PLCL1: variants seen among roughly 807,000 people sequenced by gnomAD.
PLCL1 encodes phospholipase C like 1 (inactive), also known as inactive phospholipase C-like protein 1.
PLCL1 carries 41 observed loss-of-function variants against 84.4 expected under a neutral mutation model. That is an observed-to-expected ratio of 0.49 (90% CI 0.38 to 0.63). The LOEUF (loss-of-function observed/expected upper bound fraction) is 0.63, where lower values mean the gene tolerates loss of function less well. Ranked by LOEUF, PLCL1 falls within the 30% of genes least tolerant of loss-of-function variation. PLCL1 has a pLI of 0.00. For missense variants in PLCL1, 1,206 were observed against 1,367.8 expected, an observed-to-expected ratio of 0.88 and a Z score of 1.87; for synonymous variants, 490 against 488.3, an observed-to-expected ratio of 1.00 and a Z score of -0.05.
At position 197,922,121 on chromosome 2, in the gene PLCL1, A is replaced by T. The variant is rs547285356; in HGVS notation, c.240+116782A>T. On this transcript the variant is annotated intron_variant, in intron 1 of 5. Transcript: ENST00000428675. ...GGAAGGTCAGCAGATAAACAAGTGAACAAAGGTCTCTGGTTTTCCTAGGCA... is the reference window on the plus strand; with the variant it reads ...GGAAGGTCAGCAGATAAACAAGTGATCAAAGGTCTCTGGTTTTCCTAGGCA... Among the ~76,000 whole-genome samples the T allele has an allele frequency of 4.9e-4, 60 of 121,552 alleles. 3 individuals carry two copies. In the South Asian group the frequency reaches 0.013, roughly 26 times the overall value. The allele number at this position is 121,552 out of a possible 152,430, so 79.7% of individuals were successfully genotyped here. A position where few individuals can be genotyped will look rare whatever the true frequency, so the allele number is the denominator to read the frequency against.
At chr2:197,850,031 G>GACACACACACACACACACACACACACAC (rs5837563) in intron 1 of PLCL1, among the ~76,000 whole-genome samples, 12 of 134,934 alleles carry the variant, frequency 8.9e-5, no homozygotes, top group African/African-American at 1.4e-4. Context: ...GACACACACA[G>GACACACACACACACACACACACACACAC]ACACACACAC....
At chr2:197,907,716 T>A (rs1688412253) in intron 1 of PLCL1, among the ~76,000 whole-genome samples, 1 of 152,226 alleles carries the variant, frequency 6.6e-6, no homozygotes, top group Admixed American at 6.5e-5. Flanking sequence ...CCCTAGTGCA[T>A]AATTTCATAT....
chr2:197,898,148 T>C (rs1688191045), intron 1 of PLCL1, among the ~76,000 whole-genome samples: 1 of 152,192 alleles, frequency 6.6e-6, no homozygotes, highest in South Asian at 2.1e-4. Context: ...TAATTAGATC[T>C]TTCTGATTGG....
intron 1 of PLCL1, among the ~76,000 whole-genome samples, chr2:198,004,292 A>G: frequency 6.6e-6 from 1 of 152,206 alleles, no homozygotes; most frequent in East Asian, 1.9e-4. Context: ...GAAGAGTTAC[A>G]GGGAAGTTTA....
chr2:197,893,670 T>C (rs935948655), intron 1 of PLCL1, among the ~76,000 whole-genome samples: 1 of 152,108 alleles, frequency 6.6e-6, no homozygotes, highest in Non-Finnish European at 1.5e-5. Context: ...TGTTTTCATC[T>C]CAGCATGCAA....
At chr2:197,832,523 C>CA (rs1256226582) in intron 1 of PLCL1, among the ~76,000 whole-genome samples, 1 of 151,930 alleles carries the variant, frequency 6.6e-6, no homozygotes, top group African/African-American at 2.4e-5. Flanking sequence ...ACCTACCAAC[C>CA]AAAAAAAGCC....
At chr2:197,894,483 G>A (rs750003193) in intron 1 of PLCL1, among the ~76,000 whole-genome samples, 3 of 152,000 alleles carry the variant, frequency 2.0e-5, no homozygotes, top group Non-Finnish European at 4.4e-5. Context: ...GAGAAGGGGT[G>A]CTGGATTCTT....
chr2:198,048,770 A>G (rs911370939), intron 1 of PLCL1, among the ~76,000 whole-genome samples: 25 of 152,214 alleles, frequency 1.6e-4, no homozygotes, highest in Non-Finnish European at 3.7e-4. Flanking sequence ...TCATATTTCA[A>G]CATGAGATAT....
intron 3 of PLCL1, among the ~76,000 whole-genome samples, chr2:198,093,395 G>T (rs1693100884): frequency 6.6e-6 from 1 of 152,178 alleles, no homozygotes; most frequent in South Asian, 2.1e-4. Flanking sequence ...TGGGGGTAGA[G>T]TTAGAGGGTG....
intron 5 of PLCL1, among the ~76,000 whole-genome samples, chr2:198,123,068 T>C (rs1693906140): frequency 6.6e-6 from 1 of 152,032 alleles, no homozygotes; most frequent in Admixed American, 6.6e-5. Flanking sequence ...TCATATACAA[T>C]GAATGAAAAA....
intron 1 of PLCL1, among the ~76,000 whole-genome samples, chr2:197,810,786 G>C (rs1221215871): frequency 6.6e-6 from 1 of 152,168 alleles, no homozygotes; most frequent in Non-Finnish European, 1.5e-5. Context: ...ACTCAATTCT[G>C]TTCAGCTTTA....
chr2:197,850,606 A>G (rs573108103), intron 1 of PLCL1, among the ~76,000 whole-genome samples: 45 of 152,144 alleles, frequency 3.0e-4, no homozygotes, highest in African/African-American at 7.0e-4. Context: ...AAGGCCATAT[A>G]CATATCAGGA....
In PLCL1 at chr2:197,850,215, A is replaced by C. The variant is rs189702055; in HGVS notation, c.240+44876A>C. 1.9e-3 allele frequency among the ~76,000 whole-genome samples: 294 copies of C among 152,252 alleles called. 3 individuals are homozygous for C. Among genetic ancestry groups the C allele is most frequent in the Admixed American group, 0.016 (246 of 15,292 alleles). On this transcript the variant is annotated intron_variant, in intron 1 of 5. Transcript: ENST00000428675. ...GAATCAGATTTTCTCCAAGGTTTCT[A>C]CCTGCTCTAACTGTTTTGTTTTAAG...
chr2:197,988,065 G>A (rs1486339331), intron 1 of PLCL1, among the ~76,000 whole-genome samples: 1 of 152,110 alleles, frequency 6.6e-6, no homozygotes, highest in Non-Finnish European at 1.5e-5. Context: ...TATATACTGA[G>A]AAACTGGGAT....
At chr2:198,021,037 TAACA>T (rs1691120318) in intron 1 of PLCL1, among the ~76,000 whole-genome samples, 1 of 152,186 alleles carries the variant, frequency 6.6e-6, no homozygotes, top group South Asian at 2.1e-4. Flanking sequence ...ATGGAAATCA[TAACA>T]AACAGTCTCT....
chr2:198,102,750 G>T (rs1693377119), intron 4 of PLCL1, among the ~76,000 whole-genome samples: 1 of 152,108 alleles, frequency 6.6e-6, no homozygotes, highest in African/African-American at 2.4e-5. Flanking sequence ...CTAAAAGCTT[G>T]CACTGTAGAA....
intron 5 of PLCL1, among the ~76,000 whole-genome samples, chr2:198,129,722 C>T (rs1694074706): frequency 6.6e-6 from 1 of 152,018 alleles, no homozygotes; most frequent in African/African-American, 2.4e-5. Flanking sequence ...ACTTTCAGCC[C>T]TCCTTCAGCT....
chr2:197,871,141 T>A (rs1687645264), intron 1 of PLCL1, among the ~76,000 whole-genome samples: 1 of 152,070 alleles, frequency 6.6e-6, no homozygotes, highest in East Asian at 1.9e-4. Context: ...TTTAAATTAC[T>A]AGACTGATTA....
chr2:197,920,959 C>T (rs560357379), intron 1 of PLCL1, among the ~76,000 whole-genome samples: 3 of 152,118 alleles, frequency 2.0e-5, no homozygotes, highest in African/African-American at 4.8e-5. Flanking sequence ...GTGTCGCTAA[C>T]GACAGGGCAT....
Sources: gnomAD v4.1 joint callset for allele counts (sites outside exome capture counted in the v4.1 genomes callset) on GRCh38, gnomAD v4.1.1 for gene constraint, MANE v1.5 for transcripts, NCBI Gene and HGNC (gene_info 2026-07-23, HGNC 2026-07-21) for gene names.